The following ELK3 variants were observed in gnomAD, a reference collection of about 807,000 sequenced individuals.
The protein encoded by ELK3 is ETS transcription factor ELK3.
ELK3 carries 10 observed loss-of-function variants against 28.9 expected under a neutral mutation model. That is an observed-to-expected ratio of 0.35 (90% confidence interval 0.21 to 0.59). The LOEUF is 0.59. Among genes scored for constraint, ELK3 ranks in the 20% least tolerant of loss-of-function variants. The probability of loss-of-function intolerance (pLI) is 0.82; values close to 1 mark genes in which losing one functional copy is unlikely to be tolerated. For synonymous variants in ELK3, 272 were observed against 243.5 expected, an observed-to-expected ratio of 1.12 and a Z score of -1.09; for missense variants, 463 against 517.3, an observed-to-expected ratio of 0.90 and a Z score of 1.02.
intron 2 of ELK3, among the ~76,000 whole-genome samples, chr12:96,226,519 CACAG>C (rs1190030080): frequency 6.0e-5 from 9 of 150,300 alleles, no homozygotes; most frequent in African/African-American, 9.7e-5. Flanking sequence ...CCCATGCCCA[CACAG>C]ATGTCCACAT....
At chr12:96,199,167 C>T (rs1304847037) in intron 1 of ELK3, among the ~76,000 whole-genome samples, 1 of 152,106 alleles carries the variant, frequency 6.6e-6, no homozygotes, top group African/African-American at 2.4e-5. Context: ...GGGCACTACA[C>T]ATGAAAATAG....
intron 1 of ELK3, among the ~76,000 whole-genome samples, chr12:96,219,183 G>T (rs1226955085): frequency 6.6e-6 from 1 of 152,120 alleles, no homozygotes; most frequent in Non-Finnish European, 1.5e-5. Flanking sequence ...ACAGTGTACT[G>T]TCTGAATTAC....
At chr12:96,224,018 A>G in intron 2 of ELK3, 1 of 503,402 alleles carries the variant, frequency 2.0e-6, no homozygotes, top group Non-Finnish European at 3.6e-6. Flanking sequence ...TTGCTGAAGA[A>G]CTTTGCTCAC....
chr12:96,228,646 G>A (rs1369501798), intron 2 of ELK3, among the ~76,000 whole-genome samples: 2 of 152,158 alleles, frequency 1.3e-5, no homozygotes, highest in Non-Finnish European at 2.9e-5. Flanking sequence ...AAATTCAGCT[G>A]TGAAGATGCT....
chr12:96,250,326 G>T (rs377157931), intron 3 of ELK3, among the ~76,000 whole-genome samples: 1 of 152,224 alleles, frequency 6.6e-6, no homozygotes. Context: ...GGCCCGGGTG[G>T]TAGTCAGGGG....
At position 96,250,758 on chromosome 12, in the gene ELK3, G is replaced by A. The variant is rs143511941; in HGVS notation, c.1002+3024G>A. 2.7e-3 allele frequency among the ~76,000 whole-genome samples: 408 copies of A among 152,310 alleles called. 3 individuals are homozygous for A. Among genetic ancestry groups the A allele is most frequent in the African/African-American group, 9.3e-3 (387 of 41,560 alleles). ...TGCTGTGTGCAGTGTGATGCTGTGT[G>A]CACATAAACATTTGATAATCTGTGG... On this transcript the variant is annotated intron_variant, in intron 3 of 4. Transcript: ENST00000228741.
At chr12:96,215,909 CAGGCGTGAGCTA>C (rs1405167272) in intron 1 of ELK3, among the ~76,000 whole-genome samples, 5 of 152,212 alleles carry the variant, frequency 3.3e-5, no homozygotes, top group Non-Finnish European at 5.9e-5. Flanking sequence ...GCCAGGATTA[CAGGCGTGAGCTA>C]TCACGCCTAG....
At chr12:96,257,186 T>C (rs1020780431) in intron 3 of ELK3, among the ~76,000 whole-genome samples, 11 of 152,162 alleles carry the variant, frequency 7.2e-5, no homozygotes, top group Non-Finnish European at 1.3e-4. Flanking sequence ...AGAGAGGCTG[T>C]GAAGTCTCAC....
intron 1 of ELK3, among the ~76,000 whole-genome samples, chr12:96,215,629 C>CTT (rs10611662): frequency 9.0e-5 from 12 of 133,506 alleles, no homozygotes; most frequent in East Asian, 2.1e-4. Context: ...GACATAAAAC[C>CTT]TTTTTTTTTT....
intron 3 of ELK3, among the ~76,000 whole-genome samples, chr12:96,251,740 C>G (rs1238330269): frequency 6.6e-6 from 1 of 152,182 alleles, no homozygotes; most frequent in Non-Finnish European, 1.5e-5. Flanking sequence ...GGCCCTAACT[C>G]TTCAATTCTT....
chr12:96,230,673 A>G (rs1019319425), intron 2 of ELK3, among the ~76,000 whole-genome samples: 1 of 152,292 alleles, frequency 6.6e-6, no homozygotes, highest in East Asian at 1.9e-4. Context: ...CGAAGTGCAC[A>G]TGATTTTAAT....
chr12:96,237,799 A>C (rs1951795185), intron 2 of ELK3, among the ~76,000 whole-genome samples: 1 of 152,236 alleles, frequency 6.6e-6, no homozygotes, highest in Non-Finnish European at 1.5e-5. Context: ...TCTCTAAAAA[A>C]CAAAAACAAT....
At chr12:96,203,253 T>A (rs780462392) in intron 1 of ELK3, among the ~76,000 whole-genome samples, 1 of 152,172 alleles carries the variant, frequency 6.6e-6, no homozygotes, top group Non-Finnish European at 1.5e-5. Context: ...AATGCTATTT[T>A]CTCCAAAACC....
At chr12:96,234,027 G>A (rs1377810152) in intron 2 of ELK3, among the ~76,000 whole-genome samples, 1 of 152,226 alleles carries the variant, frequency 6.6e-6, no homozygotes, top group African/African-American at 2.4e-5. Context: ...CCTGGAAGCT[G>A]CTTAGAGACC....
At chr12:96,203,843 A>T (rs1951522375) in intron 1 of ELK3, among the ~76,000 whole-genome samples, 2 of 152,186 alleles carry the variant, frequency 1.3e-5, no homozygotes, top group African/African-American at 2.4e-5. Flanking sequence ...TGGGAGGCTG[A>T]GGCAGGAGAA....
At chr12:96,263,756 G>T (rs958065361) in intron 4 of ELK3, among the ~76,000 whole-genome samples, 1 of 152,188 alleles carries the variant, frequency 6.6e-6, no homozygotes, top group African/African-American at 2.4e-5. Flanking sequence ...ACGGGGACGT[G>T]AGAGTCTGTT....
intron 3 of ELK3, among the ~76,000 whole-genome samples, chr12:96,251,954 T>C (rs1951910385): frequency 6.6e-6 from 1 of 152,250 alleles, no homozygotes; most frequent in Non-Finnish European, 1.5e-5. Context: ...ACAGCTTCAC[T>C]GTAGGTGAAA....
intron 2 of ELK3, among the ~76,000 whole-genome samples, chr12:96,233,584 G>A (rs1951758846): frequency 6.6e-6 from 1 of 152,194 alleles, no homozygotes; most frequent in African/African-American, 2.4e-5. Flanking sequence ...ATTTTAAATT[G>A]GGCGTGCAAT....
rs763688520 is a variant in ELK3, at chr12:96,267,197, T to C, written c.*17T>C. On this transcript the variant is annotated 3_prime_UTR_variant, in exon 5 of 5. Coordinates refer to ENST00000228741, the MANE Select transcript of ELK3 (RefSeq NM_005230.4). ...AAATCCTGATGACGTCTGGCCACAA[T>C]TAAGGACTCATTAACTGATGAAACA... 6.2e-7 allele frequency: 1 copy of C among 1,606,358 alleles called. No homozygotes were observed. Among genetic ancestry groups the C allele is most frequent in the Middle Eastern group, 1.7e-4 (1 of 6,050 alleles).
Sources: allele counts gnomAD v4.1 joint callset (sites outside exome capture counted in the v4.1 genomes callset), GRCh38; gene constraint gnomAD v4.1.1; transcripts MANE v1.5; gene names NCBI Gene and HGNC (gene_info 2026-07-23, HGNC 2026-07-21).